Variants in CERKL observed in about 807,000 individuals in gnomAD.
The protein encoded by CERKL is ceramide kinase-like protein.
A neutral mutation model predicts 63.4 loss-of-function variants in CERKL; 61 were observed. The observed-to-expected ratio is 0.96, with a 90% CI of 0.78 to 1.19. The LOEUF (loss-of-function observed/expected upper bound fraction) is 1.19, where lower values mean the gene tolerates loss of function less well. CERKL is among the 50% of genes most tolerant of loss of function. The pLI, the probability that CERKL is intolerant of heterozygous loss-of-function variation, is 0.00. For missense variants in CERKL, 675 were observed against 655.5 expected (o/e 1.03, Z -0.33); for synonymous variants, 250 against 230.5 (o/e 1.08, Z -0.77).
chr2:181,547,851 A>C lies in CERKL; in HGVS notation c.1134-4T>G, dbSNP rs1339840853. 1 of 1,613,916 alleles carries C rather than the reference A, an allele frequency of 6.2e-7. No individual in the cohort carries two copies. Among genetic ancestry groups the C allele is most frequent in the Non-Finnish European group, 8.5e-7 (1 of 1,180,006 alleles). ...TTTGGGAGATCCCTGTGCCCTCCTA[A>C]AAGAAAGAAAACAAAACAAAGACAT... On this transcript the variant is annotated splice_polypyrimidine_tract_variant and splice_region_variant and intron_variant, in intron 8 of 12. Coordinates refer to ENST00000410087, the MANE Select transcript of CERKL (RefSeq NM_201548.5).
chr2:181,578,739 T>C (rs535027096), intron 2 of CERKL, among the ~76,000 whole-genome samples: 2 of 152,046 alleles, frequency 1.3e-5, no homozygotes, highest in Non-Finnish European at 2.9e-5. Flanking sequence ...TATCACTACA[T>C]AGGATGCCAT....
At chr2:181,551,506 GAACA>G (rs1687986849) in intron 5 of CERKL, among the ~76,000 whole-genome samples, 1 of 151,878 alleles carries the variant, frequency 6.6e-6, no homozygotes, top group African/African-American at 2.4e-5. Flanking sequence ...CAAAGGATAC[GAACA>G]GACACTTCTC....
chr2:181,555,644 A>G (rs780921852), intron 5 of CERKL, among the ~76,000 whole-genome samples: 1 of 151,924 alleles, frequency 6.6e-6, no homozygotes, highest in Non-Finnish European at 1.5e-5. Flanking sequence ...AACAATGTGC[A>G]TTATTTTCTA....
chr2:181,617,901 A>G (rs1292581591), intron 1 of CERKL, among the ~76,000 whole-genome samples: 1 of 152,228 alleles, frequency 6.6e-6, no homozygotes, highest in African/African-American at 2.4e-5. Flanking sequence ...TCAGCTGCAC[A>G]TCTGTGTAAA....
chr2:181,602,026 A>G (rs1685479404), intron 2 of CERKL, among the ~76,000 whole-genome samples: 1 of 152,228 alleles, frequency 6.6e-6, no homozygotes, highest in Admixed American at 6.5e-5. Context: ...CCTAGATCAA[A>G]CAAAAACATC....
At chr2:181,624,698 G>C (rs548970225) in intron 1 of CERKL, among the ~76,000 whole-genome samples, 40 of 148,514 alleles carry the variant, frequency 2.7e-4, no homozygotes, top group African/African-American at 9.8e-4. Context: ...TTCCAAGGAA[G>C]AGGCAACAGG....
chr2:181,552,999 T>C (rs1688054253), intron 5 of CERKL, among the ~76,000 whole-genome samples: 1 of 152,208 alleles, frequency 6.6e-6, no homozygotes, highest in Admixed American at 6.6e-5. Flanking sequence ...CTGGAATGCA[T>C]GGTCCAAGCA....
At chr2:181,620,356 T>C (rs77915599) in intron 1 of CERKL, among the ~76,000 whole-genome samples, 3,322 of 152,274 alleles carry the variant, frequency 0.022, 60 homozygotes, top group Non-Finnish European at 0.033. Flanking sequence ...TCAGATCCCA[T>C]TACTTCCCAG....
At chr2:181,645,284 G>A (rs1457726674) in intron 1 of CERKL, among the ~76,000 whole-genome samples, 2 of 152,106 alleles carry the variant, frequency 1.3e-5, no homozygotes, top group Non-Finnish European at 1.5e-5. Context: ...AGTTATAATA[G>A]AATAGGCAAA....
At chr2:181,594,015 T>C (rs746839622) in intron 2 of CERKL, among the ~76,000 whole-genome samples, 25 of 152,126 alleles carry the variant, frequency 1.6e-4, no homozygotes, top group African/African-American at 3.9e-4. Flanking sequence ...TTAAAAAATA[T>C]TGACCACAAT....
intron 1 of CERKL, among the ~76,000 whole-genome samples, chr2:181,610,950 G>A (rs987028763): frequency 1.2e-4 from 19 of 152,062 alleles, no homozygotes; most frequent in African/African-American, 3.6e-4. Context: ...CAGGCCAGAC[G>A]TGGTGGCTCA....
intron 1 of CERKL, among the ~76,000 whole-genome samples, chr2:181,653,225 T>C (rs2105553321): frequency 6.6e-6 from 1 of 152,292 alleles, no homozygotes; most frequent in Non-Finnish European, 1.5e-5. Flanking sequence ...CTCACTCCAG[T>C]TAGAATGGCT....
intron 1 of CERKL, among the ~76,000 whole-genome samples, chr2:181,648,313 A>G (rs1052071800): frequency 3.3e-5 from 5 of 152,218 alleles, no homozygotes; most frequent in Non-Finnish European, 7.3e-5. Flanking sequence ...AGGGAATCCT[A>G]ATTAGACTAT....
At chr2:181,599,250 A>G (rs1685356129) in intron 2 of CERKL, among the ~76,000 whole-genome samples, 1 of 152,108 alleles carries the variant, frequency 6.6e-6, no homozygotes, top group Non-Finnish European at 1.5e-5. Context: ...TACACTTGGA[A>G]GCAGGCCAGG....
In CERKL at chr2:181,558,781, T is replaced by C; in HGVS notation, c.678-73A>G. On this transcript the variant is annotated intron_variant, in intron 4 of 12. Transcript: ENST00000410087. This position sits in a 1 kb window ranked among gnomAD's most constrained non-coding sequence, Gnocchi z 4.2. ...GGTAATAAGTCATGAAATCTAGACT[T>C]CAAAATAGTTTACTAATTTGTAGTC... is the stretch of plus-strand genomic sequence containing the variant. 3.4e-6 allele frequency: 5 copies of C among 1,475,532 alleles called. No individual in the cohort carries two copies. The highest frequency in any genetic ancestry group is 4.7e-6 in the Non-Finnish European group (5 of 1,059,042). The allele number at this position is 1,475,532 out of a possible 1,614,324, so 91.4% of individuals were successfully genotyped here. A position where few individuals can be genotyped will look rare whatever the true frequency, so the allele number is the denominator to read the frequency against.
At position 181,541,190 on chromosome 2, in the gene CERKL, TAAG is replaced by T. The variant is rs915691662; in HGVS notation, c.1366-1929_1366-1927del. Among the ~76,000 whole-genome samples, 13 of 152,248 alleles carry T rather than the reference TAAG, an allele frequency of 8.5e-5. No individual in the cohort carries two copies. The South Asian group carries it at 1.2e-3, about 15-fold the overall frequency. The stretch of plus-strand genomic sequence containing the variant: ...TCATCCAATACGACTGGTGTCCTTA[TAAG>T]AAGAGGAAATTTGGACATAGGAAAA... On this transcript the variant is annotated intron_variant, in intron 11 of 12. Transcript: ENST00000410087.
chr2:181,561,395 G>A (rs1688433185), intron 4 of CERKL, among the ~76,000 whole-genome samples: 1 of 142,506 alleles, frequency 7.0e-6, no homozygotes, highest in Admixed American at 7.1e-5. Context: ...GGGTGACAGG[G>A]TGAGAATTTA....
chr2:181,627,732 C>T (rs1002765862), intron 1 of CERKL, among the ~76,000 whole-genome samples: 3 of 152,114 alleles, frequency 2.0e-5, no homozygotes, highest in African/African-American at 4.8e-5. Flanking sequence ...CAGACTTTGC[C>T]GAAGAGGAAA....
chr2:181,599,535 T>TCAAAA (rs60448862), intron 2 of CERKL, among the ~76,000 whole-genome samples: 5,330 of 148,432 alleles, frequency 0.036, 243 homozygotes, highest in African/African-American at 0.1. Flanking sequence ...AGACTCCATC[T>TCAAAA]CAAAACAAAA....
Sources: gnomAD v4.1 joint callset for allele counts (sites outside exome capture counted in the v4.1 genomes callset) on GRCh38, gnomAD v4.1.1 for gene constraint, Gnocchi (gnomAD v3.1) non-coding constraint, MANE v1.5 for transcripts, NCBI Gene and HGNC (gene_info 2026-07-23, HGNC 2026-07-21) for gene names.